CDH6: variants seen among roughly 807,000 people sequenced by gnomAD.
CDH6 encodes cadherin-6.
Under a neutral mutation model 78.0 loss-of-function variants are expected in CDH6, and 31 were observed. That is an observed-to-expected ratio of 0.40 (90% CI 0.30 to 0.54). CDH6 has a LOEUF of 0.54. CDH6 is among the 20% of genes least tolerant of loss of function. The pLI, the probability that CDH6 is intolerant of heterozygous loss-of-function variation, is 0.56. For synonymous variants in CDH6, 376 were observed against 368.8 expected (o/e 1.02, Z -0.23); for missense variants, 724 against 975.9 (o/e 0.74, Z 3.44).
intron 1 of CDH6, 127 bp from the exon 2 acceptor site, chr5:31,267,213 TTCAAAA>T (rs1268790821): frequency 2.1e-6 from 1 of 467,410 alleles, no homozygotes; most frequent in East Asian, 3.4e-5. Flanking sequence ...TCTCCTTCGT[TTCAAAA>T]TTGATAGCCA....
intron 9 of CDH6, among the ~76,000 whole-genome samples, chr5:31,316,910 G>A (rs1738341418): frequency 6.6e-6 from 1 of 152,216 alleles, no homozygotes; most frequent in South Asian, 2.1e-4. Context: ...GATAGGTTAT[G>A]TAATGCTAAG....
chr5:31,202,728 A>G lies in CDH6; in HGVS notation c.-129+8842A>G, dbSNP rs146623650. Among the ~76,000 whole-genome samples, 235 of 151,550 alleles carry G rather than the reference A, an allele frequency of 1.6e-3. 4 individuals carry two copies. In the East Asian group the frequency reaches 0.038, roughly 25 times the overall value. On this transcript the variant is annotated intron_variant, in intron 1 of 11. Coordinates refer to ENST00000265071, the MANE Select transcript of CDH6 (RefSeq NM_004932.4). The stretch of plus-strand genomic sequence containing the variant: ...ACATACATGCGTATATATGTTACAT[A>G]TATACATATATGCGTGTATATATGT...
chr5:31,268,015 G>A (rs1027488832), intron 2 of CDH6, among the ~76,000 whole-genome samples: 3 of 152,042 alleles, frequency 2.0e-5, no homozygotes, highest in South Asian at 2.1e-4. Flanking sequence ...TATAAAGTAG[G>A]GTGTATTAAA....
intron 11 of CDH6, 131 bp from the exon 12 acceptor site, chr5:31,322,687 A>C: frequency 9.6e-7 from 1 of 1,044,922 alleles, no homozygotes; most frequent in Non-Finnish European, 1.4e-6. Flanking sequence ...ATCCTTAAAG[A>C]AATAAAAGTT....
intron 1 of CDH6, among the ~76,000 whole-genome samples, chr5:31,219,597 T>C (rs1298234527): frequency 6.6e-6 from 1 of 152,120 alleles, no homozygotes; most frequent in African/African-American, 2.4e-5. Flanking sequence ...ACCATCACAT[T>C]ACCCAGTTTC....
rs987767382 is a variant in CDH6, at chr5:31,310,255, G to A, written c.1254-3063G>A. On this transcript the variant is annotated intron_variant, in intron 7 of 11. Transcript: ENST00000265071. ...CCATGCAAGACTGAAATCCAGCAGC[G>A]CAGTCGTTAAATCCTAAGGTTCCAA... 1.2e-4 allele frequency among the ~76,000 whole-genome samples: 18 copies of A among 152,102 alleles called. 1 individual carries two copies. The highest frequency in any genetic ancestry group is 2.0e-4 in the Admixed American group (3 of 15,288).
At chr5:31,235,064 A>G (rs1417055778) in intron 1 of CDH6, among the ~76,000 whole-genome samples, 1 of 152,112 alleles carries the variant, frequency 6.6e-6, no homozygotes. Flanking sequence ...CCTATTTTAG[A>G]TTTTGAGATA....
intron 1 of CDH6, chr5:31,249,631 G>A (rs1561041961): frequency 6.6e-6 from 1 of 152,224 alleles, no homozygotes; most frequent in Non-Finnish European, 1.5e-5. Context: ...TGTAAGAAAT[G>A]AAAAACCACC....
At position 31,285,278 on chromosome 5, in the gene CDH6, A is replaced by G. The variant is rs1328943409; in HGVS notation, c.229-8684A>G. 5.9e-5 allele frequency among the ~76,000 whole-genome samples: 9 copies of G among 152,276 alleles called. No homozygotes were observed. The South Asian group carries it at 1.9e-3, about 32-fold the overall frequency. On this transcript the variant is annotated intron_variant, in intron 2 of 11. Transcript: ENST00000265071. Reference sequence around the variant, plus strand: ...CCACACTGAGCCTTGAAACCATGCCATGTGCTCATATCGGTTGCTAAATCA... The same window carrying G: ...CCACACTGAGCCTTGAAACCATGCCGTGTGCTCATATCGGTTGCTAAATCA...
At chr5:31,209,168 T>G (rs187767969) in intron 1 of CDH6, among the ~76,000 whole-genome samples, 47 of 152,354 alleles carry the variant, frequency 3.1e-4, no homozygotes, top group Admixed American at 2.7e-3. Flanking sequence ...TTGTTTGTTT[T>G]TTTAACATAA....
intron 6 of CDH6, among the ~76,000 whole-genome samples, chr5:31,302,644 C>T (rs1182321322): frequency 7.0e-6 from 1 of 143,302 alleles, no homozygotes; most frequent in Non-Finnish European, 1.5e-5. Context: ...GCCTGGGCAG[C>T]AGAGGTTGCA....
intron 1 of CDH6, among the ~76,000 whole-genome samples, chr5:31,199,718 T>TATATAC (rs1177055995): frequency 2.6e-5 from 2 of 78,360 alleles, no homozygotes; most frequent in East Asian, 7.6e-4. Flanking sequence ...TATATATATC[T>TATATAC]CAAAGATAAA....
rs185225572 is a variant in CDH6, at chr5:31,201,512, A to G, written c.-129+7626A>G. Among the ~76,000 whole-genome samples, 1,035 of 152,352 alleles carry G rather than the reference A, an allele frequency of 6.8e-3. 12 individuals are homozygous for G. Among genetic ancestry groups the G allele is most frequent in the Non-Finnish European group, 8.6e-3 (586 of 68,024 alleles). On this transcript the variant is annotated intron_variant, in intron 1 of 11. Coordinates refer to ENST00000265071, the MANE Select transcript of CDH6 (RefSeq NM_004932.4). ...TCAATTTATTTGATTTAAAGAAATC[A>G]GACAGTAACCTTCCCACTGCTTTGA...
intron 1 of CDH6, among the ~76,000 whole-genome samples, chr5:31,234,387 T>C (rs1035158436): frequency 5.9e-5 from 9 of 152,250 alleles, no homozygotes; most frequent in African/African-American, 2.2e-4. Flanking sequence ...ATCACATATA[T>C]GGAGTGTATG....
chr5:31,254,135 A>G (rs1335357167), intron 1 of CDH6, among the ~76,000 whole-genome samples: 1 of 152,220 alleles, frequency 6.6e-6, no homozygotes, highest in Non-Finnish European at 1.5e-5. Context: ...CACGCTGTCT[A>G]CACGACCCAC....
chr5:31,201,388 A>C lies in CDH6; in HGVS notation c.-129+7502A>C, dbSNP rs576992666. Among the ~76,000 whole-genome samples the C allele has an allele frequency of 2.5e-3, 375 of 152,260 alleles. 3 individuals carry two copies. Among genetic ancestry groups the C allele is most frequent in the Non-Finnish European group, 3.3e-3 (224 of 68,008 alleles). On this transcript the variant is annotated intron_variant, in intron 1 of 11. Transcript: ENST00000265071. Reference sequence around the variant, plus strand: ...ACCTTATCTAAATCAGTGATTCCCCAGGAGACCCAAAGTTGTATCCATCTT... The same window carrying C: ...ACCTTATCTAAATCAGTGATTCCCCCGGAGACCCAAAGTTGTATCCATCTT...
At chr5:31,318,733 G>C (rs1738396946) in intron 11 of CDH6, 2 of 227,108 alleles carry the variant, frequency 8.8e-6, no homozygotes, top group Non-Finnish European at 1.7e-5. Flanking sequence ...TGTAAAGCTT[G>C]CCTATATAGT....
At chr5:31,295,138 G>A (rs962815110) in intron 3 of CDH6, among the ~76,000 whole-genome samples, 2 of 152,234 alleles carry the variant, frequency 1.3e-5, no homozygotes, top group East Asian at 3.9e-4. Context: ...CATGGAAATC[G>A]TTGTAAAACA....
chr5:31,259,752 A>G (rs1742161328), intron 1 of CDH6, among the ~76,000 whole-genome samples: 1 of 152,240 alleles, frequency 6.6e-6, no homozygotes, highest in Non-Finnish European at 1.5e-5. Flanking sequence ...GACAGGGTCC[A>G]CGTGCCCAAA....
Sources: gnomAD v4.1 joint callset for allele counts (sites outside exome capture counted in the v4.1 genomes callset) on GRCh38, gnomAD v4.1.1 for gene constraint, MANE v1.5 for transcripts, NCBI Gene and HGNC (gene_info 2026-07-23, HGNC 2026-07-21) for gene names.